Variants in ZC4H2 observed in about 807,000 individuals in gnomAD.
ZC4H2 encodes zinc finger C4H2 domain-containing protein.
For synonymous variants in ZC4H2, 84 were observed against 66.3 expected, an observed-to-expected ratio of 1.27 and a Z score of -1.30; for missense variants, 137 against 173.9, an observed-to-expected ratio of 0.79 and a Z score of 1.19.
chrX:64,972,230 C>A (rs756085828), intron 1 of ZC4H2, among the ~76,000 whole-genome samples: 1 of 111,343 alleles, frequency 9.0e-6, no homozygotes, highest in South Asian at 3.8e-4. Context: ...GGAGGAAAGA[C>A]AGGGGTAGGC....
intron 1 of ZC4H2, among the ~76,000 whole-genome samples, chrX:64,928,636 C>CTTCTTCTTCTTCTTT (rs1569204042): frequency 2.2e-5 from 1 of 44,859 alleles, no homozygotes; most frequent in African/African-American, 5.7e-5. Flanking sequence ...CTTTCTCCTT[C>CTTCTTCTTCTTCTTT]TTCTTCTTCT....
At position 64,989,521 on chromosome X, in the gene ZC4H2, A is replaced by G. The variant is rs1003407840; in HGVS notation, c.-272+45108T>C. ...TAATTTGACACCAAAAGCATAATCC[A>G]TAAAAGGAAAAGCTGATAAAATGGA... On this transcript the variant is annotated intron_variant, in intron 1 of 4. Coordinates refer to the ZC4H2 transcript ENST00000337990. 2.7e-5 allele frequency among the ~76,000 whole-genome samples: 3 copies of G among 112,152 alleles called. No individual in the cohort carries two copies. In the Admixed American group the frequency reaches 2.8e-4, roughly 11 times the overall value.
chrX:64,972,232 G>T (rs930774702), intron 1 of ZC4H2, among the ~76,000 whole-genome samples: 45 of 111,656 alleles, frequency 4.0e-4, no homozygotes, highest in African/African-American at 1.3e-3. Flanking sequence ...AGGAAAGACA[G>T]GGGTAGGCGT....
In ZC4H2 at chrX:64,916,328, T is replaced by A. The variant is rs1489204895; in HGVS notation, c.*1455A>T. On this transcript the variant is annotated 3_prime_UTR_variant, in exon 5 of 5. Coordinates refer to ENST00000374839, the MANE Select transcript of ZC4H2 (RefSeq NM_018684.4). ...AAATTATTGTCCTTGGTGCCTGGCT[T>A]TCTCATTTGTAAGGTGGAATGAATA... 9.0e-6 allele frequency: 1 copy of A among 111,463 alleles called. No individual in the cohort carries two copies. Among genetic ancestry groups the A allele is most frequent in the Non-Finnish European group, 1.9e-5 (1 of 53,089 alleles). The allele number at this position is 111,463 out of a possible 1,213,427, so 9.2% of individuals were successfully genotyped here. A position where few individuals can be genotyped will look rare whatever the true frequency, so the allele number is the denominator to read the frequency against.
chrX:64,967,570 T>C (rs1349184301), intron 1 of ZC4H2, among the ~76,000 whole-genome samples: 5 of 111,348 alleles, frequency 4.5e-5, no homozygotes, highest in Non-Finnish European at 9.4e-5. Flanking sequence ...ACCCCCAGAG[T>C]CATTAATCTG....
At chrX:65,002,901 C>A (rs1470266053) in intron 1 of ZC4H2, among the ~76,000 whole-genome samples, 46 of 109,019 alleles carry the variant, frequency 4.2e-4, no homozygotes, top group African/African-American at 1.5e-3. Flanking sequence ...ATCTCAAGTA[C>A]CCAAGGACAC....
chrX:64,931,519 T>G (rs1385239942), intron 1 of ZC4H2, among the ~76,000 whole-genome samples: 1 of 111,782 alleles, frequency 8.9e-6, no homozygotes, highest in Non-Finnish European at 1.9e-5. Context: ...GCACCACTTT[T>G]GCTGTATCCC....
intron 1 of ZC4H2, among the ~76,000 whole-genome samples, chrX:65,019,117 C>G (rs1932816974): frequency 8.9e-6 from 1 of 111,872 alleles, no homozygotes; most frequent in Admixed American, 9.4e-5. Context: ...CTGCAGCAGA[C>G]TTAAATGCCC....
intron 1 of ZC4H2, among the ~76,000 whole-genome samples, chrX:64,934,711 C>A (rs1929912266): frequency 8.9e-6 from 1 of 111,929 alleles, no homozygotes; most frequent in Non-Finnish European, 1.9e-5. Flanking sequence ...CAAGGTGGGG[C>A]ATCGCCTCAA....
At chrX:65,018,740 G>A (rs1171347655) in intron 1 of ZC4H2, among the ~76,000 whole-genome samples, 1 of 110,724 alleles carries the variant, frequency 9.0e-6, no homozygotes, top group African/African-American at 3.3e-5. Context: ...AGTCTGGCTC[G>A]GGAGGTCCCA....
chrX:64,932,966 G>C (rs1282950978), intron 1 of ZC4H2, among the ~76,000 whole-genome samples: 1 of 111,358 alleles, frequency 9.0e-6, no homozygotes, highest in Non-Finnish European at 1.9e-5. Context: ...CAAACTTTTA[G>C]ATTTCTGTTC....
chrX:64,967,719 G>T (rs747067354), intron 1 of ZC4H2, among the ~76,000 whole-genome samples: 1 of 111,909 alleles, frequency 8.9e-6, no homozygotes, highest in Non-Finnish European at 1.9e-5. Flanking sequence ...AATAAATAAA[G>T]GTCCAGGATG....
At chrX:64,924,726 A>T (rs1334255327) in intron 1 of ZC4H2, among the ~76,000 whole-genome samples, 1 of 111,106 alleles carries the variant, frequency 9.0e-6, no homozygotes, top group African/African-American at 3.3e-5. Flanking sequence ...AAAGAATAGC[A>T]TGAGTAATGG....
intron 1 of ZC4H2, among the ~76,000 whole-genome samples, chrX:64,990,201 GA>G (rs1932282334): frequency 8.9e-6 from 1 of 112,148 alleles, no homozygotes; most frequent in Non-Finnish European, 1.9e-5. Flanking sequence ...CAACAATAAA[GA>G]AAACTATTGA....
At chrX:65,028,872 C>T (rs1932907855) in intron 1 of ZC4H2, among the ~76,000 whole-genome samples, 1 of 111,281 alleles carries the variant, frequency 9.0e-6, no homozygotes, top group African/African-American at 3.3e-5. Flanking sequence ...AGACAAATAA[C>T]CCATTAGCAT....
intron 1 of ZC4H2, among the ~76,000 whole-genome samples, chrX:64,962,344 T>C (rs1422444623): frequency 9.0e-6 from 1 of 111,331 alleles, no homozygotes; most frequent in Non-Finnish European, 1.9e-5. Context: ...GAAAAAGCCT[T>C]TGACAAAATT....
intron 1 of ZC4H2, among the ~76,000 whole-genome samples, chrX:64,938,487 G>A (rs1259338333): frequency 2.7e-5 from 3 of 111,355 alleles, no homozygotes; most frequent in Non-Finnish European, 5.7e-5. Context: ...AACAAAAAAG[G>A]GAAATTTCAG....
intron 1 of ZC4H2, among the ~76,000 whole-genome samples, chrX:64,988,728 T>A (rs1932246021): frequency 9.0e-6 from 1 of 111,687 alleles, no homozygotes; most frequent in Non-Finnish European, 1.9e-5. Context: ...TTAGTTTAAC[T>A]AGATCCCATC....
intron 1 of ZC4H2, among the ~76,000 whole-genome samples, chrX:64,969,916 C>A: frequency 9.0e-6 from 1 of 111,467 alleles, no homozygotes; most frequent in East Asian, 2.8e-4. Context: ...GTTTGAGATG[C>A]CAGTGATACA....
Sources: allele counts gnomAD v4.1 joint callset (sites outside exome capture counted in the v4.1 genomes callset), GRCh38; gene constraint gnomAD v4.1.1; transcripts MANE v1.5; gene names NCBI Gene and HGNC (gene_info 2026-07-23, HGNC 2026-07-21).